Variants in STRBP observed in about 807,000 individuals in gnomAD.
The protein encoded by STRBP is spermatid perinuclear RNA binding protein.
In STRBP, 13 loss-of-function variants were observed where a neutral mutation model predicts 80.1. The observed-to-expected ratio is 0.16, with a 90% confidence interval of 0.11 to 0.26. The LOEUF is 0.26. Among genes scored for constraint, STRBP ranks in the 10% least tolerant of loss-of-function variants. The pLI is 1.00. For missense variants in STRBP, 485 were observed against 815.2 expected (o/e 0.59, Z 4.93); for synonymous variants, 284 against 291.2 (o/e 0.98, Z 0.25).
rs188063454 is a variant in STRBP at position 123,110,911 on chromosome 9, C to G, written c.*85-1158G>C. ...AGTGAGCTAAGGGAAAAGCAGTGCT[C>G]AGTACCCCATCTAAGAAATGGGGGT... On this transcript the variant is annotated intron_variant and NMD_transcript_variant, in intron 3 of 3. Coordinates refer to the STRBP transcript ENST00000471564. The surrounding 1 kb of genome is among the most constrained non-coding windows in gnomAD (Gnocchi z 4.1). The G allele has an allele frequency of 6.4e-4, 108 of 169,348 alleles. No individual in the cohort carries two copies. Among genetic ancestry groups the G allele is most frequent in the South Asian group, 1.2e-3 (6 of 4,914 alleles). The allele number at this position is 169,348 out of a possible 1,614,324, so 10.5% of individuals were successfully genotyped here.
chr9:123,135,971 G>C, intron 16 of STRBP, 70 bp downstream of exon 16: 2 of 1,584,322 alleles, frequency 1.3e-6, no homozygotes, highest in Non-Finnish European at 1.7e-6. Context: ...GTGCCACATG[G>C]ACAGGAAAGA....
intron 2 of STRBP, among the ~76,000 whole-genome samples, chr9:123,198,382 C>A (rs957846531): frequency 6.6e-6 from 1 of 152,038 alleles, no homozygotes; most frequent in African/African-American, 2.4e-5. Context: ...AGGTGATCCA[C>A]CCACCTCAGC....
rs1054142620 is a variant in STRBP at position 123,122,935 on chromosome 9, A to G, written c.*2662T>C. 2 of 985,390 alleles carry G rather than the reference A, an allele frequency of 2.0e-6. No homozygotes were observed. Among genetic ancestry groups the G allele is most frequent in the East Asian group, 2.3e-4 (2 of 8,836 alleles). The allele number at this position is 985,390 out of a possible 1,614,324, so 61.0% of individuals were successfully genotyped here. Reference sequence around the variant, plus strand: ...AGATATTGCTAGGTTTCCAAAGGAAAAGTTTTAAAACAGACACCGTGGCTT... The same window carrying G: ...AGATATTGCTAGGTTTCCAAAGGAAGAGTTTTAAAACAGACACCGTGGCTT... On this transcript the variant is annotated 3_prime_UTR_variant, in exon 19 of 19. Coordinates refer to ENST00000348403, the MANE Select transcript of STRBP (RefSeq NM_018387.5).
chr9:123,232,109 C>G (rs1358976090), intron 2 of STRBP, among the ~76,000 whole-genome samples: 1 of 152,074 alleles, frequency 6.6e-6, no homozygotes, highest in Non-Finnish European at 1.5e-5. Flanking sequence ...GTCGGGAATT[C>G]GAGACCAGCC....
At position 123,170,020 on chromosome 9, in the gene STRBP, C is replaced by T; in HGVS notation, c.417G>A (p.Val139=). The part of the protein sequence containing the change: ...IQKLTEEKYQ[V]EQCVNEASII... Reference sequence around the variant, plus strand: ...TAGATGCCTCATTTACACATTGTTCCACTTGATATTTCTCTTCTGTGAGTT... The same window carrying T: ...TAGATGCCTCATTTACACATTGTTCTACTTGATATTTCTCTTCTGTGAGTT... Residue 139 remains valine (V), a synonymous_variant, in exon 6 of 19, where the codon GTG becomes GTA. Coordinates refer to ENST00000348403, the MANE Select transcript of STRBP (RefSeq NM_018387.5). 1 of 1,607,782 alleles carries T rather than the reference C, an allele frequency of 6.2e-7. No homozygotes were observed. The highest frequency in any genetic ancestry group is 8.5e-7 in the Non-Finnish European group (1 of 1,177,772).
chr9:123,228,473 C>T (rs1190608439), intron 2 of STRBP, among the ~76,000 whole-genome samples: 2 of 151,986 alleles, frequency 1.3e-5, no homozygotes, highest in Non-Finnish European at 2.9e-5. Context: ...GGTTGGGGGA[C>T]AGGGGGAGCT....
chr9:123,220,719 G>A (rs1029504370), intron 2 of STRBP, among the ~76,000 whole-genome samples: 1 of 152,144 alleles, frequency 6.6e-6, no homozygotes, highest in Non-Finnish European at 1.5e-5. Flanking sequence ...TAACAGGACT[G>A]TATAACTAAC....
chr9:123,115,199 A>T lies in STRBP; in HGVS notation c.*84+730T>A, dbSNP rs919982061. 6.4e-6 allele frequency: 3 copies of T among 470,402 alleles called. No individual in the cohort carries two copies. Among genetic ancestry groups the T allele is most frequent in the Middle Eastern group, 3.3e-4 (1 of 3,064 alleles). 29.1% of individuals were successfully genotyped at this position (470,402 alleles called of 1,614,324 possible). A position where few individuals can be genotyped will look rare whatever the true frequency, so the allele number is the denominator to read the frequency against. On this transcript the variant is annotated intron_variant and NMD_transcript_variant, in intron 3 of 3. Coordinates refer to the STRBP transcript ENST00000471564. This position sits in a 1 kb window ranked among gnomAD's most constrained non-coding sequence, Gnocchi z 5.0. ...CCCTTCACACTCCCCAAGTGGGCAC[A>T]CTCTCTCTGTGCATGCATGCCAGGC...
rs149674802 is a variant in STRBP at position 123,115,928 on chromosome 9, C to A, written c.*84+1G>T. 1,537 of 436,160 alleles carry A rather than the reference C, an allele frequency of 3.5e-3. 3 individuals carry two copies. Among genetic ancestry groups the A allele is most frequent in the Non-Finnish European group, 4.8e-3 (1,044 of 219,190 alleles). 27.0% of individuals were successfully genotyped at this position (436,160 alleles called of 1,614,324 possible). A position where few individuals can be genotyped will look rare whatever the true frequency, so the allele number is the denominator to read the frequency against. On this transcript the variant is annotated splice_donor_variant and NMD_transcript_variant, in intron 3 of 3. Transcript: ENST00000471564. This position sits in a 1 kb window ranked among gnomAD's most constrained non-coding sequence, Gnocchi z 5.0. ...AAATAAATATAATCCCTTAAAAATACCTGGCAGGAGTGCCCACGTTCTCTC... is the reference window on the plus strand; with the variant it reads ...AAATAAATATAATCCCTTAAAAATAACTGGCAGGAGTGCCCACGTTCTCTC...
rs2035798994 is a variant in STRBP, at chr9:123,123,621, G to C, written c.*1976C>G. The C allele has an allele frequency of 1.0e-6, 1 of 984,734 alleles. No individual in the cohort carries two copies. The highest frequency in any genetic ancestry group is 1.8e-5 in the African/African-American group (1 of 57,018). 61.0% of individuals were successfully genotyped at this position (984,734 alleles called of 1,614,324 possible). A position where few individuals can be genotyped will look rare whatever the true frequency, so the allele number is the denominator to read the frequency against. ...GCACAGCTCCCTTTTCACCATTACA[G>C]AGCGCGTGAGTTATGAAGCAGAGTC... is the stretch of plus-strand genomic sequence containing the variant. On this transcript the variant is annotated 3_prime_UTR_variant, in exon 19 of 19. Coordinates refer to ENST00000348403, the MANE Select transcript of STRBP (RefSeq NM_018387.5).
intron 1 of STRBP, among the ~76,000 whole-genome samples, chr9:123,264,590 G>T (rs1564344456): frequency 2.6e-5 from 4 of 152,218 alleles, no homozygotes; most frequent in South Asian, 2.1e-4. Flanking sequence ...AAACCACCTT[G>T]ATTCTCATGG....
chr9:123,227,286 G>T (rs2040265553), intron 2 of STRBP, among the ~76,000 whole-genome samples: 2 of 152,172 alleles, frequency 1.3e-5, no homozygotes, highest in Admixed American at 1.3e-4. Flanking sequence ...TGAATATGGT[G>T]AGCTTTGAGG....
chr9:123,118,288 C>G (rs1017752024), downstream of STRBP, among the ~76,000 whole-genome samples: 7 of 152,180 alleles, frequency 4.6e-5, no homozygotes, highest in African/African-American at 9.7e-5. Context: ...CCTACTCCTT[C>G]AGTCCACTGC....
Position 123,125,624 on chromosome 9 carries a change from A to G in STRBP, c.1992T>C (p.Tyr664=), listed in dbSNP as rs1246644739. ...AAAAGAATGAGTAGTGGGGAACAGGATATGTTGGAAATTTCATAACGGGTA... is the reference window on the plus strand; with the variant it reads ...AAAAGAATGAGTAGTGGGGAACAGGGTATGTTGGAAATTTCATAACGGGTA... ...VLLPVMKFPT[Y]PVPHYSFF Residue 664 remains tyrosine, a synonymous_variant, in exon 19 of 19, where the codon TAT becomes TAC. Coordinates refer to ENST00000348403, the MANE Select transcript of STRBP (RefSeq NM_018387.5). 6.2e-6 allele frequency: 10 copies of G among 1,613,648 alleles called. 1 individual carries two copies. The highest frequency in any genetic ancestry group is 8.5e-6 in the Non-Finnish European group (10 of 1,179,810).
intron 2 of STRBP, among the ~76,000 whole-genome samples, chr9:123,205,662 C>T (rs757711962): frequency 5.9e-5 from 9 of 152,206 alleles, no homozygotes; most frequent in Non-Finnish European, 1.3e-4. Context: ...AGAAAATTAT[C>T]TTATACTACT....
intron 13 of STRBP, among the ~76,000 whole-genome samples, chr9:123,141,692 TTCTC>T (rs2132336340): frequency 6.6e-6 from 1 of 152,342 alleles, no homozygotes; most frequent in African/African-American, 2.4e-5. Context: ...CTCCACCCTT[TTCTC>T]ACATATCAGA....
At chr9:123,168,464 TAA>T (rs2037864390) in intron 6 of STRBP, among the ~76,000 whole-genome samples, 1 of 152,318 alleles carries the variant, frequency 6.6e-6, no homozygotes, top group Middle Eastern at 3.4e-3. Flanking sequence ...AGCATTTTTT[TAA>T]AAAGAGTCTA....
chr9:123,141,036 T>C (rs935008513), intron 13 of STRBP, among the ~76,000 whole-genome samples: 1 of 152,226 alleles, frequency 6.6e-6, no homozygotes, highest in Non-Finnish European at 1.5e-5. Flanking sequence ...TTGCATTCGT[T>C]TCCATTTTTA....
chr9:123,133,848 TTAAA>T (rs1033434617), intron 16 of STRBP, among the ~76,000 whole-genome samples: 3 of 152,072 alleles, frequency 2.0e-5, no homozygotes, highest in Non-Finnish European at 4.4e-5. Flanking sequence ...GGCCCCATTA[TTAAA>T]TAAATAAATA....
Sources: gnomAD v4.1 joint callset for allele counts (sites outside exome capture counted in the v4.1 genomes callset) on GRCh38, gnomAD v4.1.1 for gene constraint, Gnocchi (gnomAD v3.1) non-coding constraint, MANE v1.5 for transcripts, NCBI Gene and HGNC (gene_info 2026-07-23, HGNC 2026-07-21) for gene names.